Variants in SLC35F3 observed in about 807,000 individuals in gnomAD.
SLC35F3 encodes the protein putative thiamine transporter SLC35F3.
A neutral mutation model predicts 49.9 loss-of-function variants in SLC35F3; 25 were observed. That is an observed-to-expected ratio of 0.50 (90% CI 0.37 to 0.70). The LOEUF (loss-of-function observed/expected upper bound fraction) is 0.70, where lower values mean the gene tolerates loss of function less well. Ranked by LOEUF, SLC35F3 falls within the 30% of genes least tolerant of loss-of-function variation. SLC35F3 has a pLI of 0.00. For missense variants in SLC35F3, 525 were observed against 639.8 expected, an observed-to-expected ratio of 0.82 and a Z score of 1.94; for synonymous variants, 275 against 265.4, an observed-to-expected ratio of 1.04 and a Z score of -0.35.
chr1:234,004,989 G>A (rs2102834454), intron 2 of SLC35F3, among the ~76,000 whole-genome samples: 1 of 152,202 alleles, frequency 6.6e-6, no homozygotes, highest in African/African-American at 2.4e-5. Flanking sequence ...AGAATTTTAA[G>A]GGGAGAATCT....
chr1:234,015,208 C>A (rs943719330), intron 2 of SLC35F3, among the ~76,000 whole-genome samples: 1 of 151,790 alleles, frequency 6.6e-6, no homozygotes, highest in Non-Finnish European at 1.5e-5. Flanking sequence ...TAGCCAGGTG[C>A]GGTGTGGTGT....
intron 2 of SLC35F3, among the ~76,000 whole-genome samples, chr1:233,955,125 C>T (rs115320794): frequency 0.073 from 11,172 of 152,024 alleles, 486 homozygotes; most frequent in East Asian, 0.1. Flanking sequence ...ATTACAGGCA[C>T]GAGCCACCGC....
intron 3 of SLC35F3, among the ~76,000 whole-genome samples, chr1:234,284,197 G>A (rs978937899): frequency 6.6e-6 from 1 of 152,162 alleles, no homozygotes; most frequent in Non-Finnish European, 1.5e-5. Context: ...GAGCTACGGT[G>A]CCTGTCCAGA....
intron 2 of SLC35F3, among the ~76,000 whole-genome samples, chr1:233,945,799 G>A (rs752322205): frequency 6.6e-6 from 1 of 152,210 alleles, no homozygotes. Context: ...ATGTGACTTT[G>A]CTTCTCATTC....
chr1:234,270,881 G>A (rs565928302), intron 3 of SLC35F3, among the ~76,000 whole-genome samples: 3 of 152,200 alleles, frequency 2.0e-5, no homozygotes, highest in South Asian at 2.1e-4. Context: ...TGATGATGCT[G>A]CTCAGAAGTT....
At chr1:234,137,573 G>C (rs1223944551) in intron 2 of SLC35F3, among the ~76,000 whole-genome samples, 5 of 152,200 alleles carry the variant, frequency 3.3e-5, no homozygotes, top group African/African-American at 1.2e-4. Flanking sequence ...TGAATGAAAG[G>C]AAAGAGAGAG....
At chr1:234,298,095 A>G (rs1209190007) in intron 3 of SLC35F3, among the ~76,000 whole-genome samples, 1 of 152,236 alleles carries the variant, frequency 6.6e-6, no homozygotes, top group African/African-American at 2.4e-5. Context: ...TATACATTAA[A>G]TATGCACTGC....
chr1:234,290,269 A>G (rs934280772), intron 3 of SLC35F3, among the ~76,000 whole-genome samples: 2 of 152,250 alleles, frequency 1.3e-5, no homozygotes, highest in African/African-American at 4.8e-5. Flanking sequence ...CAGAAGCAAA[A>G]TGAAGAAAAT....
intron 2 of SLC35F3, among the ~76,000 whole-genome samples, chr1:233,984,677 G>A (rs1663238861): frequency 6.6e-6 from 1 of 152,168 alleles, no homozygotes; most frequent in African/African-American, 2.4e-5. Flanking sequence ...GCTCGTGAGT[G>A]TGACTCCCTC....
At chr1:234,127,281 A>G (rs1374425299) in intron 2 of SLC35F3, among the ~76,000 whole-genome samples, 1 of 152,196 alleles carries the variant, frequency 6.6e-6, no homozygotes, top group African/African-American at 2.4e-5. Flanking sequence ...ACCAGGTTTT[A>G]TATTTGCATA....
At chr1:234,083,035 AT>A (rs1664904459) in intron 2 of SLC35F3, among the ~76,000 whole-genome samples, 1 of 152,182 alleles carries the variant, frequency 6.6e-6, no homozygotes, top group Non-Finnish European at 1.5e-5. Flanking sequence ...TTTTTGCTCA[AT>A]TACCTGTTAT....
intron 2 of SLC35F3, among the ~76,000 whole-genome samples, chr1:233,975,663 C>G (rs972166595): frequency 1.3e-5 from 2 of 152,162 alleles, no homozygotes; most frequent in African/African-American, 4.8e-5. Context: ...CGTGGTTGAA[C>G]GGGGAGCAAC....
chr1:234,316,483 G>T (rs1657491346), intron 4 of SLC35F3, 119 bp from the exon 5 acceptor site: 1 of 1,330,562 alleles, frequency 7.5e-7, no homozygotes, highest in African/African-American at 1.5e-5. Flanking sequence ...ACAAAAAGGA[G>T]ACACCACTTT....
At chr1:234,068,920 ATATAT>A (rs1248064496) in intron 2 of SLC35F3, among the ~76,000 whole-genome samples, 20 of 122,150 alleles carry the variant, frequency 1.6e-4, no homozygotes, top group African/African-American at 5.7e-4. Flanking sequence ...TTTATATGTA[ATATAT>A]TATATATAAA....
At chr1:234,218,389 T>C (rs1667154338) in intron 2 of SLC35F3, among the ~76,000 whole-genome samples, 1 of 152,230 alleles carries the variant, frequency 6.6e-6, no homozygotes, top group South Asian at 2.1e-4. Flanking sequence ...GAGTGATTTC[T>C]GGCTAATGAA....
chr1:234,144,970 T>A (rs1326875409), intron 2 of SLC35F3, among the ~76,000 whole-genome samples: 12 of 152,186 alleles, frequency 7.9e-5, no homozygotes, highest in Admixed American at 7.9e-4. Flanking sequence ...ATTCTCTTGA[T>A]AATAATCATC....
chr1:233,931,423 A>G (rs554557608), intron 2 of SLC35F3, among the ~76,000 whole-genome samples: 2 of 152,380 alleles, frequency 1.3e-5, no homozygotes, highest in East Asian at 1.9e-4. Context: ...TCTACAAAGA[A>G]CTTAAACAAA....
intron 2 of SLC35F3, among the ~76,000 whole-genome samples, chr1:234,050,796 TC>T (rs1664365569): frequency 6.6e-6 from 1 of 152,248 alleles, no homozygotes; most frequent in Admixed American, 6.5e-5. Flanking sequence ...CTTTAACCCA[TC>T]TTGAATTAAT....
intron 2 of SLC35F3, among the ~76,000 whole-genome samples, chr1:234,049,649 T>TGTTTGTTG (rs1664345943): frequency 6.6e-6 from 1 of 152,166 alleles, no homozygotes; most frequent in Non-Finnish European, 1.5e-5. Context: ...TTTGTTTGTT[T>TGTTTGTTG]TATTATACTT....
Sources: allele counts gnomAD v4.1 joint callset (sites outside exome capture counted in the v4.1 genomes callset), GRCh38; gene constraint gnomAD v4.1.1; transcripts MANE v1.5; gene names NCBI Gene and HGNC (gene_info 2026-07-23, HGNC 2026-07-21).